The following DSTN variants were observed in gnomAD, a reference collection of about 807,000 sequenced individuals.
DSTN encodes the protein destrin.
Under a neutral mutation model 16.8 loss-of-function variants are expected in DSTN, and 10 were observed. The observed-to-expected ratio is 0.60, with a 90% CI of 0.37 to 1.01. DSTN has a LOEUF of 1.01. DSTN is among the 50% of genes least tolerant of loss of function. The pLI is 0.01. For missense variants in DSTN, 141 were observed against 196.7 expected (o/e 0.72, Z 1.69); for synonymous variants, 57 against 58.9 (o/e 0.97, Z 0.14).
Position 17,578,622 on chromosome 20 carries a change from G to A in DSTN, c.3+8411G>A, listed in dbSNP as rs151208824. Among the ~76,000 whole-genome samples the A allele has an allele frequency of 1.3e-3, 194 of 152,226 alleles. 3 individuals carry two copies. Among genetic ancestry groups the A allele is most frequent in the African/African-American group, 4.4e-3 (181 of 41,534 alleles). ...AACCGTGGAATTTCATGCTCATTGA[G>A]GCATCCTGAACCATAGAAAAGCGCT... On this transcript the variant is annotated intron_variant, in intron 1 of 3. Transcript: ENST00000246069.
At chr20:17,570,236 TG>T (rs1343796177) in intron 1 of DSTN, 25 bp downstream of exon 1, 7 of 1,496,290 alleles carry the variant, frequency 4.7e-6, no homozygotes, top group Middle Eastern at 2.3e-4. Context: ...GGCCGAGGCG[TG>T]GGCCGAGGCG....
chr20:17,581,616 TTAATGA>T (rs1341141979), intron 1 of DSTN, among the ~76,000 whole-genome samples: 4 of 152,192 alleles, frequency 2.6e-5, no homozygotes, highest in Admixed American at 2.6e-4. Context: ...CTGGAAGGAC[TTAATGA>T]TAATTTGGAT....
chr20:17,594,321 G>T (rs73258685), intron 1 of DSTN, among the ~76,000 whole-genome samples: 1 of 151,810 alleles, frequency 6.6e-6, no homozygotes, highest in Non-Finnish European at 1.5e-5. Flanking sequence ...TCTCTGTCAC[G>T]CAGAGTCCAG....
Position 17,604,730 on chromosome 20 carries a change from C to T in DSTN, c.388+99C>T, listed in dbSNP as rs560796460. 11 of 1,075,322 alleles carry T rather than the reference C, an allele frequency of 1.0e-5. No homozygotes were observed. In the South Asian group the frequency reaches 1.1e-4, roughly 11 times the overall value. The allele number at this position is 1,075,322 out of a possible 1,614,324, so 66.6% of individuals were successfully genotyped here. A position where few individuals can be genotyped will look rare whatever the true frequency, so the allele number is the denominator to read the frequency against. On this transcript the variant is annotated intron_variant, in intron 3 of 3. Coordinates refer to ENST00000246069, the MANE Select transcript of DSTN (RefSeq NM_006870.4). ...AGCACCTTATTTTTTTGCAGAGCTT[C>T]GGGCACAAGGGAGAAGTGTTACTTG...
chr20:17,577,596 T>C (rs1251979783), intron 1 of DSTN, among the ~76,000 whole-genome samples: 1 of 152,100 alleles, frequency 6.6e-6, no homozygotes. Flanking sequence ...AGGAATACTC[T>C]AGTTATAAGA....
chr20:17,599,297 C>G (rs2035561043), intron 1 of DSTN: 1 of 152,324 alleles, frequency 6.6e-6, no homozygotes, highest in Non-Finnish European at 1.5e-5. Flanking sequence ...TAACGAGACC[C>G]CATCTCTCAT....
intron 1 of DSTN, among the ~76,000 whole-genome samples, chr20:17,599,031 G>A (rs2035557635): frequency 6.6e-6 from 1 of 152,216 alleles, no homozygotes. Flanking sequence ...GTTTATAGCA[G>A]TGTTAATAGT....
intron 1 of DSTN, among the ~76,000 whole-genome samples, chr20:17,574,865 C>CTTTTCTTTTTTTTTTTTT (rs1354147534): frequency 2.8e-4 from 18 of 64,260 alleles, no homozygotes; most frequent in Middle Eastern, 8.1e-3. Context: ...CTTTTCTTTT[C>CTTTTCTTTTTTTTTTTTT]TTTTGTTTTT....
intron 1 of DSTN, among the ~76,000 whole-genome samples, chr20:17,575,439 T>C (rs2035267897): frequency 6.6e-6 from 1 of 151,786 alleles, no homozygotes; most frequent in African/African-American, 2.4e-5. Context: ...CAGAGCATAA[T>C]AAATAAGTAG....
At chr20:17,583,216 T>A (rs2035365923) in intron 1 of DSTN, among the ~76,000 whole-genome samples, 1 of 152,254 alleles carries the variant, frequency 6.6e-6, no homozygotes, top group Admixed American at 6.5e-5. Context: ...GGCTATGAAG[T>A]TGGAGCACCC....
At chr20:17,583,548 G>A (rs550308488) in intron 1 of DSTN, among the ~76,000 whole-genome samples, 1 of 152,102 alleles carries the variant, frequency 6.6e-6, no homozygotes, top group South Asian at 2.1e-4. Flanking sequence ...GCTACAACGT[G>A]GATGAACATT....
chr20:17,581,982 A>G (rs2035350390), intron 1 of DSTN, among the ~76,000 whole-genome samples: 1 of 152,084 alleles, frequency 6.6e-6, no homozygotes, highest in Non-Finnish European at 1.5e-5. Context: ...TCAAGAAGTA[A>G]TTATTAACTA....
Position 17,570,125 on chromosome 20 carries a change from G to C in DSTN, c.-84G>C. On this transcript the variant is annotated 5_prime_UTR_variant, in exon 1 of 4. Transcript: ENST00000246069. ...CGTCAGCTCAGCGCTGGGTCTCTCG[G>C]TCCCGCAGCCGTGAGGAGGACGGTC... The C allele has an allele frequency of 6.6e-7, 1 of 1,507,452 alleles. No homozygotes were observed. 93.4% of individuals were successfully genotyped at this position (1,507,452 alleles called of 1,614,324 possible). A position where few individuals can be genotyped will look rare whatever the true frequency, so the allele number is the denominator to read the frequency against.
Position 17,592,429 on chromosome 20 carries a change from C to CAA in DSTN, c.4-8291_4-8290dup, listed in dbSNP as rs35327345. Among the ~76,000 whole-genome samples, 1,020 of 109,522 alleles carry CAA rather than the reference C, an allele frequency of 9.3e-3. 10 individuals carry two copies. Among genetic ancestry groups the CAA allele is most frequent in the African/African-American group, 0.031 (971 of 31,766 alleles). The allele number at this position is 109,522 out of a possible 152,430, so 71.9% of individuals were successfully genotyped here. ...TGGATGACACAGAGAGACCTTGTCT[C>CAA]AAAAAAAAAAAAAAAAAAATCTCGG... On this transcript the variant is annotated intron_variant, in intron 1 of 3. Transcript: ENST00000246069.
chr20:17,582,165 G>A (rs546302349), intron 1 of DSTN, among the ~76,000 whole-genome samples: 6 of 146,482 alleles, frequency 4.1e-5, no homozygotes, highest in African/African-American at 1.3e-4. Context: ...TGCAACCTCC[G>A]CCTCCTAGGT....
chr20:17,602,974 C>T (rs1031900113), intron 2 of DSTN, among the ~76,000 whole-genome samples: 1 of 152,174 alleles, frequency 6.6e-6, no homozygotes, highest in Non-Finnish European at 1.5e-5. Flanking sequence ...GAGCTGAGAT[C>T]ACGCCACTGC....
intron 1 of DSTN, among the ~76,000 whole-genome samples, chr20:17,573,503 C>T (rs1333004382): frequency 6.6e-6 from 1 of 151,932 alleles, no homozygotes; most frequent in Non-Finnish European, 1.5e-5. Context: ...AGGCAATTTC[C>T]ATGTCATATA....
chr20:17,599,196 G>A (rs1378631292), intron 1 of DSTN: 2 of 152,282 alleles, frequency 1.3e-5, no homozygotes, highest in Non-Finnish European at 2.9e-5. Context: ...GGGAGGCCAA[G>A]GCAGGAGGAC....
At chr20:17,606,958 T>G in intron 3 of DSTN, 79 bp from the exon 4 acceptor site, 1 of 1,431,520 alleles carries the variant, frequency 7.0e-7, no homozygotes, top group Non-Finnish European at 9.7e-7. Context: ...GAACTGGTCT[T>G]TTAAAAGTTT....
Sources: gnomAD v4.1 joint callset for allele counts (sites outside exome capture counted in the v4.1 genomes callset) on GRCh38, gnomAD v4.1.1 for gene constraint, MANE v1.5 for transcripts, NCBI Gene and HGNC (gene_info 2026-07-23, HGNC 2026-07-21) for gene names.